The following PDE1A variants were observed in gnomAD, a reference collection of about 807,000 sequenced individuals.
PDE1A encodes phosphodiesterase 1A, also known as dual specificity calcium/calmodulin-dependent 3',5'-cyclic nucleotide phosphodiesterase 1A.
A neutral mutation model predicts 61.7 loss-of-function variants in PDE1A; 35 were observed. That is an observed-to-expected ratio of 0.57 (90% CI 0.43 to 0.75). PDE1A has a LOEUF of 0.75. PDE1A is among the 30% of genes least tolerant of loss of function. PDE1A has a pLI of 0.00. For synonymous variants in PDE1A, 232 were observed against 213.2 expected (o/e 1.09, Z -0.77); for missense variants, 597 against 630.6 (o/e 0.95, Z 0.57).
the PDE1A span, among the ~76,000 whole-genome samples, chr2:182,627,723 A>G: frequency 1.3e-5 from 2 of 151,732 alleles, no homozygotes; most frequent in Non-Finnish European, 2.9e-5. Flanking sequence ...CGGGCGGATC[A>G]TCTGAAGTCA....
chr2:182,397,799 A>G (rs1259006195), intron 1 of PDE1A, among the ~76,000 whole-genome samples: 4 of 152,116 alleles, frequency 2.6e-5, no homozygotes, highest in Non-Finnish European at 5.9e-5. Context: ...ACCAGGTAGC[A>G]TGGGGCTTCA....
At chr2:182,598,631 T>A in the PDE1A span, among the ~76,000 whole-genome samples, 3 of 151,970 alleles carry the variant, frequency 2.0e-5, no homozygotes, top group Admixed American at 6.6e-5. Context: ...CTTTCTCATT[T>A]CCCATGTTCT....
At chr2:182,535,123 T>C in the PDE1A span, among the ~76,000 whole-genome samples, 1 of 152,096 alleles carries the variant, frequency 6.6e-6, no homozygotes, top group African/African-American at 2.4e-5. Context: ...ACCTCTACTA[T>C]TTCATTGCCC....
chr2:182,416,944 G>T (rs563656462), intron 1 of PDE1A, among the ~76,000 whole-genome samples: 2 of 152,048 alleles, frequency 1.3e-5, no homozygotes, highest in East Asian at 3.9e-4. Context: ...GGTGACCTAC[G>T]ACCAAACAGT....
chr2:182,653,465 C>T, the PDE1A span, among the ~76,000 whole-genome samples: 1 of 152,160 alleles, frequency 6.6e-6, no homozygotes, highest in African/African-American at 2.4e-5. Flanking sequence ...CATACACTTG[C>T]TTACTCACCT....
At chr2:182,658,073 C>G in the PDE1A span, among the ~76,000 whole-genome samples, 2 of 119,568 alleles carry the variant, frequency 1.7e-5, no homozygotes, top group African/African-American at 6.8e-5. Context: ...AAAAAAAAAA[C>G]AAAAAAACTT....
intron 10 of PDE1A, among the ~76,000 whole-genome samples, chr2:182,190,997 C>T (rs1479489797): frequency 2.0e-5 from 3 of 151,970 alleles, no homozygotes; most frequent in Non-Finnish European, 2.9e-5. Flanking sequence ...AGAATAGCAA[C>T]AACATGAATG....
At chr2:182,522,740 T>A, upstream of PDE1A, 3 of 893,918 alleles carry the variant, frequency 3.4e-6, no homozygotes, top group Non-Finnish European at 4.1e-6. Context: ...TCAGAATTCC[T>A]ACAGTTTACG....
At chr2:182,424,108 C>A (rs1360888897) in intron 1 of PDE1A, among the ~76,000 whole-genome samples, 2 of 151,928 alleles carry the variant, frequency 1.3e-5, no homozygotes, top group Non-Finnish European at 2.9e-5. Flanking sequence ...CCACACCTGG[C>A]TAATTTTTTG....
the PDE1A span, among the ~76,000 whole-genome samples, chr2:182,602,138 C>G: frequency 6.6e-6 from 1 of 152,246 alleles, no homozygotes; most frequent in African/African-American, 2.4e-5. Context: ...AGAATCCAGG[C>G]AGAGGGAGCA....
At chr2:182,514,670 G>A (rs113525059) in intron 2 of PDE1A, among the ~76,000 whole-genome samples, 10,031 of 152,066 alleles carry the variant, frequency 0.066, 350 homozygotes, top group Middle Eastern at 0.1. Flanking sequence ...AAATCAACTC[G>A]AGATTGATTA....
intron 1 of PDE1A, among the ~76,000 whole-genome samples, chr2:182,264,891 ATG>A (rs1491212023): frequency 7.2e-6 from 1 of 139,850 alleles, no homozygotes; most frequent in African/African-American, 2.8e-5. Flanking sequence ...ATATATATAT[ATG>A]TATATATATA....
chr2:182,190,578 A>G (rs76594702), intron 10 of PDE1A, among the ~76,000 whole-genome samples: 3,431 of 152,312 alleles, frequency 0.023, 146 homozygotes, highest in African/African-American at 0.078. Context: ...ATGTAATAGT[A>G]TCTATCCTGA....
the PDE1A span, among the ~76,000 whole-genome samples, chr2:182,695,216 G>A: frequency 6.6e-6 from 1 of 152,038 alleles, no homozygotes; most frequent in Admixed American, 6.5e-5. Flanking sequence ...TGAGAAAACT[G>A]AAAAATCAAC....
the PDE1A span, among the ~76,000 whole-genome samples, chr2:182,583,370 T>G: frequency 3.3e-5 from 5 of 152,220 alleles, no homozygotes; most frequent in Admixed American, 6.5e-5. Flanking sequence ...GTTTCACTAT[T>G]TATCTGAAAC....
the PDE1A span, among the ~76,000 whole-genome samples, chr2:182,569,939 C>T: frequency 1.3e-5 from 2 of 152,216 alleles, no homozygotes; most frequent in Admixed American, 1.3e-4. Context: ...AGACCTCATG[C>T]AAAACTCCTA....
chr2:182,288,489 C>T (rs113620342), intron 1 of PDE1A, among the ~76,000 whole-genome samples: 6 of 152,248 alleles, frequency 3.9e-5, no homozygotes, highest in African/African-American at 1.4e-4. Context: ...CTGTAATAAT[C>T]ATCCAGTTCT....
At chr2:182,305,950 A>AGTCATCATACTAT (rs2125929851) in intron 1 of PDE1A, among the ~76,000 whole-genome samples, 1 of 152,284 alleles carries the variant, frequency 6.6e-6, no homozygotes, top group African/African-American at 2.4e-5. Flanking sequence ...TTTGAACTAT[A>AGTCATCATACTAT]GTCATCATAC....
chr2:182,246,659 C>T (rs1690998377), intron 2 of PDE1A, among the ~76,000 whole-genome samples: 1 of 152,102 alleles, frequency 6.6e-6, no homozygotes, highest in Non-Finnish European at 1.5e-5. Flanking sequence ...CTGCCTGCCT[C>T]AGCCTCCCAA....
Sources: gnomAD v4.1 joint callset for allele counts (sites outside exome capture counted in the v4.1 genomes callset) on GRCh38, gnomAD v4.1.1 for gene constraint, MANE v1.5 for transcripts, NCBI Gene and HGNC (gene_info 2026-07-23, HGNC 2026-07-21) for gene names.